Variants in STARD9 observed in about 807,000 individuals in gnomAD.
The protein encoded by STARD9 is stAR-related lipid transfer protein 9.
STARD9 carries 346 observed loss-of-function variants against 399.8 expected under a neutral mutation model. The observed-to-expected ratio is 0.87, with a 90% CI of 0.79 to 0.95. STARD9 has a LOEUF of 0.95. Ranked by LOEUF, STARD9 falls within the 40% of genes least tolerant of loss-of-function variation. STARD9 has a pLI of 0.00. For synonymous variants in STARD9, 2,203 were observed against 2,143.5 expected (o/e 1.03, Z -0.77); for missense variants, 5,832 against 5,667.5 (o/e 1.03, Z -0.93).
intron 26 of STARD9, among the ~76,000 whole-genome samples, chr15:42,709,747 C>G (rs1035207030): frequency 1.7e-4 from 26 of 152,162 alleles, no homozygotes; most frequent in African/African-American, 5.8e-4. Context: ...CTCAAACTTT[C>G]ATCCACTGAT....
At chr15:42,613,705 C>T (rs1379109926) in intron 3 of STARD9, among the ~76,000 whole-genome samples, 1 of 152,192 alleles carries the variant, frequency 6.6e-6, no homozygotes, top group Non-Finnish European at 1.5e-5. Context: ...TGGCTCACAC[C>T]TGTAATCCCA....
intron 1 of STARD9, among the ~76,000 whole-genome samples, chr15:42,577,433 G>A (rs554117748): frequency 2.0e-5 from 3 of 152,194 alleles, no homozygotes; most frequent in Non-Finnish European, 2.9e-5. Flanking sequence ...GATTAGAGGC[G>A]TGAGCCACTG....
intron 28 of STARD9, 21 bp downstream of exon 28, chr15:42,717,069 A>T: frequency 6.5e-7 from 1 of 1,536,866 alleles, no homozygotes; most frequent in Non-Finnish European, 8.7e-7. Context: ...GCTCCCACCC[A>T]TCCCTACCAT....
At chr15:42,603,480 C>T (rs1229045393) in intron 3 of STARD9, among the ~76,000 whole-genome samples, 1 of 152,020 alleles carries the variant, frequency 6.6e-6, no homozygotes, top group East Asian at 1.9e-4. Context: ...TGTCTTTGTT[C>T]TTGTAATCAC....
chr15:42,648,041 C>T (rs1199192501), intron 7 of STARD9, among the ~76,000 whole-genome samples: 1 of 152,122 alleles, frequency 6.6e-6, no homozygotes, highest in Admixed American at 6.6e-5. Flanking sequence ...GACTTAAATG[C>T]CATTTTTAGG....
intron 3 of STARD9, among the ~76,000 whole-genome samples, chr15:42,605,694 C>G (rs1169247743): frequency 6.6e-6 from 1 of 152,196 alleles, no homozygotes; most frequent in Non-Finnish European, 1.5e-5. Context: ...CAGCTGCGTT[C>G]TGGGGATATG....
Position 42,685,385 on chromosome 15 carries a change from G to A in STARD9, c.3807G>A (p.Leu1269=). 1 of 1,536,952 alleles carries A rather than the reference G, an allele frequency of 6.5e-7. No individual in the cohort carries two copies. The highest frequency in any genetic ancestry group is 8.7e-7 in the Non-Finnish European group (1 of 1,146,922). Residue 1269 remains leucine, a synonymous_variant, in exon 23 of 33, where the codon CTG becomes CTA. Transcript: ENST00000290607. ...YRTAARLDAV[L]PMSSSFYLDP... ...CAGCAGCTAGGCTGGATGCCGTCCT[G>A]CCAATGAGCAGTTCGTTTTACCTTG...
At chr15:42,624,324 CTA>C (rs1267648470) in intron 3 of STARD9, among the ~76,000 whole-genome samples, 2 of 152,010 alleles carry the variant, frequency 1.3e-5, no homozygotes, top group Non-Finnish European at 2.9e-5. Context: ...CAGAAAAACA[CTA>C]TTTATGTCTA....
chr15:42,621,583 C>A (rs1287302981), intron 3 of STARD9, among the ~76,000 whole-genome samples: 1 of 152,076 alleles, frequency 6.6e-6, no homozygotes, highest in Non-Finnish European at 1.5e-5. Flanking sequence ...GGTACAGAAA[C>A]AGCTGGATTG....
intron 9 of STARD9, among the ~76,000 whole-genome samples, chr15:42,659,223 A>G (rs1430554951): frequency 3.3e-5 from 5 of 152,194 alleles, no homozygotes; most frequent in African/African-American, 1.2e-4. Flanking sequence ...TATATAAAGA[A>G]CTCTCTAAAC....
At chr15:42,661,912 A>G (rs1242976815) in intron 10 of STARD9, among the ~76,000 whole-genome samples, 3 of 152,202 alleles carry the variant, frequency 2.0e-5, no homozygotes, top group Non-Finnish European at 4.4e-5. Context: ...CAGTGAAGGT[A>G]ACTGAATTAG....
chr15:42,614,977 CAG>C (rs2058928952), intron 3 of STARD9, among the ~76,000 whole-genome samples: 1 of 146,576 alleles, frequency 6.8e-6, no homozygotes, highest in South Asian at 2.2e-4. Context: ...AAAACAAAAA[CAG>C]AAAACAGCAG....
At chr15:42,588,110 A>G (rs1174118990) in intron 3 of STARD9, among the ~76,000 whole-genome samples, 1 of 152,208 alleles carries the variant, frequency 6.6e-6, no homozygotes, top group Admixed American at 6.5e-5. Flanking sequence ...GCCATGGCAT[A>G]CGTGTGGCTG....
rs114158464 is a variant in STARD9 at position 42,640,878 on chromosome 15, A to G, written c.559+2066A>G. ...TGTGTGGGAGGAGTAACCATAGGAG[A>G]CCTCAGACATAGTTCAGATATCCGC... On this transcript the variant is annotated intron_variant, in intron 7 of 32. Transcript: ENST00000290607. Among the ~76,000 whole-genome samples, 548 of 151,536 alleles carry G rather than the reference A, an allele frequency of 3.6e-3. 2 individuals carry two copies. The highest frequency in any genetic ancestry group is 0.013 in the African/African-American group (525 of 41,254).
rs1171222937 is a variant in STARD9, at chr15:42,575,868, A to G, written c.47+106A>G. Reference sequence around the variant, plus strand: ...TTCTGGCGCGCAGAAATCGGTGACAAAGTGACCCGGGGGGTCGGGGTCCGG... The same window carrying G: ...TTCTGGCGCGCAGAAATCGGTGACAGAGTGACCCGGGGGGTCGGGGTCCGG... On this transcript the variant is annotated intron_variant, in intron 1 of 32. Coordinates refer to ENST00000290607, the MANE Select transcript of STARD9 (RefSeq NM_020759.3). The G allele has an allele frequency of 1.3e-5, 17 of 1,279,942 alleles. No individual in the cohort carries two copies. In the Admixed American group the frequency reaches 1.6e-4, roughly 12 times the overall value. The allele number at this position is 1,279,942 out of a possible 1,614,324, so 79.3% of individuals were successfully genotyped here. A position where few individuals can be genotyped will look rare whatever the true frequency, so the allele number is the denominator to read the frequency against.
rs1171308167 is a variant in STARD9, at chr15:42,624,140, AGAC to A, written c.235-10715_235-10713del. On this transcript the variant is annotated intron_variant, in intron 3 of 32. Transcript: ENST00000290607. The stretch of plus-strand genomic sequence containing the variant: ...GGCACAGATGACACTTTCCCTTGTT[AGAC>A]TGTTCACACTTTGGGTAAGCTACTG... 1.1e-3 allele frequency among the ~76,000 whole-genome samples: 168 copies of A among 152,340 alleles called. 1 individual carries two copies. Among genetic ancestry groups the A allele is most frequent in the African/African-American group, 3.8e-3 (157 of 41,570 alleles).
chr15:42,689,322 C>T lies in STARD9; in HGVS notation c.7744C>T (p.Leu2582=), dbSNP rs2060635194. The T allele has an allele frequency of 8.5e-6, 13 of 1,537,270 alleles. No individual in the cohort carries two copies. Among genetic ancestry groups the T allele is most frequent in the Non-Finnish European group, 1.1e-5 (13 of 1,146,922 alleles). ...GTVLSYCETL[L]EPECSSRVAG... ...AGTCCTTTCTTACTGTGAAACTTTA[C>T]TAGAACCCGAATGTTCTTCAAGGGT... The change falls in exon 23 of 33, where the codon CTA becomes TTA. Residue 2582 remains leucine (L), a synonymous_variant. Transcript: ENST00000290607.
At chr15:42,629,385 A>G (rs1278589691) in intron 3 of STARD9, among the ~76,000 whole-genome samples, 1 of 152,124 alleles carries the variant, frequency 6.6e-6, no homozygotes, top group African/African-American at 2.4e-5. Context: ...ATTTGTAGCT[A>G]TTGTAAATGG....
chr15:42,582,505 G>A (rs2058195153), intron 1 of STARD9, among the ~76,000 whole-genome samples: 1 of 152,188 alleles, frequency 6.6e-6, no homozygotes, highest in Non-Finnish European at 1.5e-5. Context: ...TGCAACATAG[G>A]AAGATTCTTG....
Sources: allele counts gnomAD v4.1 joint callset (sites outside exome capture counted in the v4.1 genomes callset), GRCh38; gene constraint gnomAD v4.1.1; transcripts MANE v1.5; gene names NCBI Gene and HGNC (gene_info 2026-07-23, HGNC 2026-07-21).